The following ZDHHC2 variants were observed in gnomAD, a reference collection of about 807,000 sequenced individuals.
The protein encoded by ZDHHC2 is palmitoyltransferase ZDHHC2.
ZDHHC2 carries 51 observed loss-of-function variants against 55.6 expected under a neutral mutation model. That is an observed-to-expected ratio of 0.92 (90% CI 0.73 to 1.16). The LOEUF is 1.16. Among genes scored for constraint, ZDHHC2 ranks in the 50% most tolerant of loss-of-function variants. The pLI is 0.00. For missense variants in ZDHHC2, 491 were observed against 442.4 expected (o/e 1.11, Z -0.99); for synonymous variants, 199 against 152.9 (o/e 1.30, Z -2.22).
chr8:17,168,843 C>T (rs369655497), intron 1 of ZDHHC2, among the ~76,000 whole-genome samples: 2 of 152,052 alleles, frequency 1.3e-5, no homozygotes, highest in African/African-American at 4.8e-5. Context: ...CAAAGTTCAC[C>T]TGTGTTGTAG....
Position 17,216,130 on chromosome 8 carries a change from G to A in ZDHHC2, c.1063+781G>A, listed in dbSNP as rs76365306. Among the ~76,000 whole-genome samples the A allele has an allele frequency of 1.1e-4, 17 of 152,262 alleles. No individual in the cohort carries two copies. In the East Asian group the frequency reaches 2.3e-3, roughly 21 times the overall value. ...AAAGCCATACATCTGTGATTAAGGCGTTATTAGCCAGAAAATCTTCAGATT... is the reference window on the plus strand; with the variant it reads ...AAAGCCATACATCTGTGATTAAGGCATTATTAGCCAGAAAATCTTCAGATT... On this transcript the variant is annotated intron_variant, in intron 11 of 12. Transcript: ENST00000262096.
chr8:17,178,870 A>ATT (rs1375039075), intron 1 of ZDHHC2, among the ~76,000 whole-genome samples: 23 of 152,314 alleles, frequency 1.5e-4, no homozygotes, highest in African/African-American at 5.5e-4. Context: ...TATAACAAAA[A>ATT]ACTGTCACTC....
At chr8:17,176,391 T>C (rs1315529228) in intron 1 of ZDHHC2, among the ~76,000 whole-genome samples, 1 of 152,148 alleles carries the variant, frequency 6.6e-6, no homozygotes, top group Non-Finnish European at 1.5e-5. Flanking sequence ...GACAAAGCAG[T>C]TCCTGCTTAT....
intron 1 of ZDHHC2, among the ~76,000 whole-genome samples, chr8:17,172,325 C>G (rs778814055): frequency 6.6e-6 from 1 of 152,178 alleles, no homozygotes; most frequent in Non-Finnish European, 1.5e-5. Context: ...TAATTCGTCT[C>G]AAAGTGTGGC....
rs1415363187 is a variant in ZDHHC2 at position 17,222,949 on chromosome 8, A to AATCAATACATTGTAATCAG, written c.*2729_*2730insTCAATACATTGTAATCAGA. 1 of 151,884 alleles carries AATCAATACATTGTAATCAG rather than the reference A, an allele frequency of 6.6e-6. No individual in the cohort carries two copies. The highest frequency in any genetic ancestry group is 1.5e-5 in the Non-Finnish European group (1 of 67,802). 9.4% of individuals were successfully genotyped at this position (151,884 alleles called of 1,614,324 possible). The stretch of plus-strand genomic sequence containing the variant: ...GAGGACAATTAGAAACAGACTATAA[A>AATCAATACATTGTAATCAG]ACTCAACTACACTGTAATCAATAGA... On this transcript the variant is annotated 3_prime_UTR_variant, in exon 13 of 13. Coordinates refer to ENST00000262096, the MANE Select transcript of ZDHHC2 (RefSeq NM_016353.5).
At chr8:17,183,837 T>C (rs908309501) in intron 1 of ZDHHC2, among the ~76,000 whole-genome samples, 2 of 152,112 alleles carry the variant, frequency 1.3e-5, no homozygotes, top group African/African-American at 2.4e-5. Context: ...GGGCTTCTGC[T>C]AGCTCTAGAA....
chr8:17,194,083 C>G (rs1806181793), intron 3 of ZDHHC2, among the ~76,000 whole-genome samples: 1 of 152,156 alleles, frequency 6.6e-6, no homozygotes, highest in Non-Finnish European at 1.5e-5. Context: ...CACGTCCCTG[C>G]AAAGGACATG....
intron 1 of ZDHHC2, among the ~76,000 whole-genome samples, chr8:17,178,568 C>A (rs1805269332): frequency 6.6e-6 from 1 of 152,108 alleles, no homozygotes. Context: ...CATAAGTAGC[C>A]ATGTAAGTGA....
chr8:17,195,423 C>T, intron 3 of ZDHHC2, 81 bp from the exon 4 acceptor site: 2 of 1,443,954 alleles, frequency 1.4e-6, no homozygotes, highest in Non-Finnish European at 1.9e-6. Flanking sequence ...TTATAAATAC[C>T]CTTTTCCGGG....
chr8:17,169,783 T>C (rs1246230148), intron 1 of ZDHHC2, among the ~76,000 whole-genome samples: 1 of 152,154 alleles, frequency 6.6e-6, no homozygotes, highest in Non-Finnish European at 1.5e-5. Context: ...AAACCTGAGA[T>C]GCAGTTTACA....
At position 17,208,120 on chromosome 8, in the gene ZDHHC2, G is replaced by A. The variant is rs771835178; in HGVS notation, c.730+28G>A. On this transcript the variant is annotated intron_variant, in intron 8 of 12. Coordinates refer to ENST00000262096, the MANE Select transcript of ZDHHC2 (RefSeq NM_016353.5). ...GAGTATCCAATTATTGTAGTTGACA[G>A]AACTTTAAATACGTATACCAACATT... is the stretch of plus-strand genomic sequence containing the variant. The A allele has an allele frequency of 1.4e-5, 21 of 1,523,516 alleles. No individual in the cohort carries two copies. The South Asian group carries it at 2.7e-4, about 20-fold the overall frequency. The allele number at this position is 1,523,516 out of a possible 1,614,324, so 94.4% of individuals were successfully genotyped here. A position where few individuals can be genotyped will look rare whatever the true frequency, so the allele number is the denominator to read the frequency against.
chr8:17,158,356 G>T (rs1452890722), intron 1 of ZDHHC2, among the ~76,000 whole-genome samples: 1 of 152,160 alleles, frequency 6.6e-6, no homozygotes, highest in Non-Finnish European at 1.5e-5. Context: ...AATATAACCT[G>T]CAAAGAAGGG....
At chr8:17,210,724 G>T (rs1008616340) in intron 10 of ZDHHC2, among the ~76,000 whole-genome samples, 1 of 151,984 alleles carries the variant, frequency 6.6e-6, no homozygotes, top group African/African-American at 2.4e-5. Flanking sequence ...TATACATTTT[G>T]GTTGACTGAA....
rs569565333 is a variant in ZDHHC2, at chr8:17,170,648, T to C, written c.130+13795T>C. On this transcript the variant is annotated intron_variant, in intron 1 of 12. Transcript: ENST00000262096. ...GAAAAGATGCATTGGTTTTTCTCCT[T>C]AATAAATCAAACAGCTAATAACGTT... is the stretch of plus-strand genomic sequence containing the variant. 2.0e-5 allele frequency among the ~76,000 whole-genome samples: 3 copies of C among 152,320 alleles called. No homozygotes were observed. The South Asian group carries it at 6.2e-4, about 32-fold the overall frequency.
Position 17,223,401 on chromosome 8 carries a change from A to C in ZDHHC2, c.*3180A>C, listed in dbSNP as rs1378385815. On this transcript the variant is annotated 3_prime_UTR_variant, in exon 13 of 13. Transcript: ENST00000262096. Reference sequence around the variant, plus strand: ...GAATATTTTCACCAAAGTGACATTTAAACAAGTGGATTTTTCACAAATAAC... The same window carrying C: ...GAATATTTTCACCAAAGTGACATTTCAACAAGTGGATTTTTCACAAATAAC... The C allele has an allele frequency of 6.6e-6, 1 of 151,910 alleles. No individual in the cohort carries two copies. Among genetic ancestry groups the C allele is most frequent in the East Asian group, 1.9e-4 (1 of 5,206 alleles). The allele number at this position is 151,910 out of a possible 1,614,324, so 9.4% of individuals were successfully genotyped here.
intron 3 of ZDHHC2, among the ~76,000 whole-genome samples, chr8:17,191,898 T>C (rs1806048923): frequency 6.6e-6 from 1 of 152,188 alleles, no homozygotes; most frequent in South Asian, 2.1e-4. Flanking sequence ...CCCATCGTAG[T>C]AGTACTAATT....
chr8:17,166,559 TA>T (rs1423284131), intron 1 of ZDHHC2, among the ~76,000 whole-genome samples: 1 of 152,148 alleles, frequency 6.6e-6, no homozygotes, highest in Admixed American at 6.6e-5. Context: ...TAAGTGGATT[TA>T]AAGACTTGGC....
At chr8:17,205,548 A>C in intron 6 of ZDHHC2, 107 bp from the exon 7 acceptor site, 1 of 1,252,000 alleles carries the variant, frequency 8.0e-7, no homozygotes, top group Non-Finnish European at 1.1e-6. Context: ...TATTTAAAGA[A>C]ATGCCAATAA....
chr8:17,175,878 G>C (rs1431907439), intron 1 of ZDHHC2, among the ~76,000 whole-genome samples: 1 of 152,188 alleles, frequency 6.6e-6, no homozygotes, highest in Non-Finnish European at 1.5e-5. Flanking sequence ...GGAGCCAAGC[G>C]TGGAGTCAGG....
Sources: gnomAD v4.1 joint callset for allele counts (sites outside exome capture counted in the v4.1 genomes callset) on GRCh38, gnomAD v4.1.1 for gene constraint, MANE v1.5 for transcripts, NCBI Gene and HGNC (gene_info 2026-07-23, HGNC 2026-07-21) for gene names.